ADORA2A: variants seen among roughly 807,000 people sequenced by gnomAD.
The protein encoded by ADORA2A is adenosine A2a receptor.
A neutral mutation model predicts 18.4 loss-of-function variants in ADORA2A; 11 were observed. The ratio of observed to expected loss-of-function variants is 0.60; its 90% CI spans 0.38 to 0.99. The LOEUF is 0.99. Among genes scored for constraint, ADORA2A ranks in the 50% least tolerant of loss-of-function variants. The pLI, the probability that ADORA2A is intolerant of heterozygous loss-of-function variation, is 0.01. For missense variants in ADORA2A, 449 were observed against 556.1 expected (o/e 0.81, Z 1.94); for synonymous variants, 218 against 237.3 (o/e 0.92, Z 0.75).
chr22:24,437,424 G>T (rs2043207823), intron 2 of ADORA2A, among the ~76,000 whole-genome samples: 1 of 152,214 alleles, frequency 6.6e-6, no homozygotes, highest in African/African-American at 2.4e-5. Context: ...CCTGGCTGAG[G>T]CTCAGCTGTG....
chr22:24,426,582 G>A (rs1352523056), upstream of ADORA2A, among the ~76,000 whole-genome samples: 1 of 152,198 alleles, frequency 6.6e-6, no homozygotes, highest in Non-Finnish European at 1.5e-5. Context: ...CTGGGGTGCA[G>A]AGAGGAGCCC....
chr22:24,441,646 G>C lies in ADORA2A; in HGVS notation c.*157G>C. 2 of 693,504 alleles carry C rather than the reference G, an allele frequency of 2.9e-6. No homozygotes were observed. The highest frequency in any genetic ancestry group is 3.7e-5 in the Admixed American group (1 of 26,930). The allele number at this position is 693,504 out of a possible 1,614,324, so 43.0% of individuals were successfully genotyped here. ...GAGAAGGGAGCCCCAGGCTGGAGCA[G>C]CATGAGGCCCAGCAAGAAGGGCTTG... On this transcript the variant is annotated 3_prime_UTR_variant, in exon 3 of 3. Transcript: ENST00000337539.
At chr22:24,434,471 A>C (rs932449672) in intron 2 of ADORA2A, among the ~76,000 whole-genome samples, 14 of 152,206 alleles carry the variant, frequency 9.2e-5, no homozygotes, top group Non-Finnish European at 1.6e-4. Context: ...CAGAGGCTGA[A>C]TTACTCGGCA....
At position 24,441,505 on chromosome 22, in the gene ADORA2A, GC is replaced by G. The variant is rs780664255; in HGVS notation, c.*20del. 8.1e-5 allele frequency: 121 copies of G among 1,489,606 alleles called. No homozygotes were observed. The highest frequency in any genetic ancestry group is 9.9e-5 in the Non-Finnish European group (111 of 1,120,312). 92.3% of individuals were successfully genotyped at this position (1,489,606 alleles called of 1,614,324 possible). ...AGTGTCCTGATGATTCATGGAGTTT[GC>G]CCCTTCCTAAGGGAAGGAGATCTTT... is the stretch of plus-strand genomic sequence containing the variant. On this transcript the variant is annotated 3_prime_UTR_variant, in exon 3 of 3. Coordinates refer to ENST00000337539, the MANE Select transcript of ADORA2A (RefSeq NM_000675.6).
Position 24,433,739 on chromosome 22 carries a change from G to T in ADORA2A, c.332+3G>T. On this transcript the variant is annotated splice_donor_region_variant and intron_variant, in intron 2 of 2. Coordinates refer to ENST00000337539, the MANE Select transcript of ADORA2A (RefSeq NM_000675.6). ...ATTGCCATCCGCATCCCGCTCCGGT[G>T]AGCAGGGCCGGGGTTACATCTGTGC... 6.2e-7 allele frequency: 1 copy of T among 1,602,550 alleles called. No homozygotes were observed.
chr22:24,431,768 T>C (rs892195332), intron 1 of ADORA2A: 9 of 325,094 alleles, frequency 2.8e-5, no homozygotes, highest in African/African-American at 2.0e-4. Flanking sequence ...ATCCAGACCA[T>C]TCACAGGCTC....
intron 1 of ADORA2A, among the ~76,000 whole-genome samples, chr22:24,427,968 G>A (rs914313765): frequency 1.3e-5 from 2 of 152,200 alleles, no homozygotes; most frequent in Non-Finnish European, 1.5e-5. Flanking sequence ...GGAGCAGAGA[G>A]CTGCAGCTGC....
chr22:24,428,148 G>A (rs569214723), intron 1 of ADORA2A, among the ~76,000 whole-genome samples: 6 of 152,210 alleles, frequency 3.9e-5, no homozygotes, highest in Non-Finnish European at 7.4e-5. Flanking sequence ...CTGCGCTGAT[G>A]AGTTTGGAAG....
At chr22:24,437,934 C>G (rs1446343110) in intron 2 of ADORA2A, among the ~76,000 whole-genome samples, 4 of 152,278 alleles carry the variant, frequency 2.6e-5, no homozygotes, top group Non-Finnish European at 5.9e-5. Flanking sequence ...AGCAGCTTCA[C>G]CTCTGTGACT....
chr22:24,439,099 T>TTTTTTTG (rs1232615165), intron 2 of ADORA2A, among the ~76,000 whole-genome samples: 8 of 141,648 alleles, frequency 5.6e-5, no homozygotes, highest in Non-Finnish European at 1.1e-4. Context: ...TTTTTTTTTT[T>TTTTTTTG]TTGGAGACTG....
chr22:24,424,223 G>T (rs2042892255), upstream of ADORA2A, among the ~76,000 whole-genome samples: 1 of 152,060 alleles, frequency 6.6e-6, no homozygotes, highest in South Asian at 2.1e-4. This position sits in a 1 kb window ranked among gnomAD's most constrained non-coding sequence, Gnocchi z 4.9. Context: ...CGTCCCAGGC[G>T]CAGTTGCGGC....
In ADORA2A at chr22:24,433,731, G is replaced by A. The variant is rs772354028; in HGVS notation, c.327G>A (p.Pro109=). The A allele has an allele frequency of 5.6e-6, 9 of 1,604,430 alleles. No individual in the cohort carries two copies. Among genetic ancestry groups the A allele is most frequent in the Non-Finnish European group, 7.6e-6 (9 of 1,179,512 alleles). The change falls in exon 2 of 3, where the codon CCG becomes CCA. Residue 109 remains proline, a synonymous_variant. Coordinates refer to ENST00000337539, the MANE Select transcript of ADORA2A (RefSeq NM_000675.6). ...AIDRYIAIRI[P]LRYNGLVTGT... is the part of the protein sequence containing the mutation. ...ACCGCTACATTGCCATCCGCATCCCGCTCCGGTGAGCAGGGCCGGGGTTAC... is the reference window on the plus strand; with the variant it reads ...ACCGCTACATTGCCATCCGCATCCCACTCCGGTGAGCAGGGCCGGGGTTAC...
chr22:24,436,280 C>T (rs1601414166), intron 2 of ADORA2A, among the ~76,000 whole-genome samples: 1 of 152,194 alleles, frequency 6.6e-6, no homozygotes, highest in African/African-American at 2.4e-5. Context: ...CCTCAGGATC[C>T]TCCCTCCTCC....
rs115169069 is a variant in ADORA2A, at chr22:24,433,862, G to A, written c.332+126G>A. ...AGTGTCAGCATGGTGAGCTGGCGACGGGGCCCCAGGCTCAGCAGGGGCTCC... is the reference window on the plus strand; with the variant it reads ...AGTGTCAGCATGGTGAGCTGGCGACAGGGCCCCAGGCTCAGCAGGGGCTCC... On this transcript the variant is annotated intron_variant, in intron 2 of 2. Coordinates refer to ENST00000337539, the MANE Select transcript of ADORA2A (RefSeq NM_000675.6). 6,459 of 1,184,922 alleles carry A rather than the reference G, an allele frequency of 5.5e-3. 295 individuals carry two copies. In the African/African-American group the frequency reaches 0.089, roughly 16 times the overall value. The allele number at this position is 1,184,922 out of a possible 1,614,324, so 73.4% of individuals were successfully genotyped here. A position where few individuals can be genotyped will look rare whatever the true frequency, so the allele number is the denominator to read the frequency against.
At chr22:24,435,861 TC>T (rs2043160386) in intron 2 of ADORA2A, among the ~76,000 whole-genome samples, 1 of 152,178 alleles carries the variant, frequency 6.6e-6, no homozygotes, top group Admixed American at 6.5e-5. Flanking sequence ...TCCATGAGGC[TC>T]TGCAAGGCTT....
intron 2 of ADORA2A, among the ~76,000 whole-genome samples, chr22:24,434,900 T>C (rs2043135842): frequency 6.6e-6 from 1 of 152,104 alleles, no homozygotes; most frequent in Non-Finnish European, 1.5e-5. Flanking sequence ...AACGAGTTGG[T>C]AGTGGAGCTG....
At chr22:24,433,975 T>A (rs544485744) in intron 2 of ADORA2A, among the ~76,000 whole-genome samples, 1 of 152,334 alleles carries the variant, frequency 6.6e-6, no homozygotes, top group South Asian at 2.1e-4. Flanking sequence ...CGGCCTGGGT[T>A]CCCCTAGGCT....
At chr22:24,425,337 A>ACTCCCCC (rs1568940744), upstream of ADORA2A, among the ~76,000 whole-genome samples, 5 of 82,318 alleles carry the variant, frequency 6.1e-5, no homozygotes, top group Admixed American at 1.3e-4. Flanking sequence ...TGTGGGCAGC[A>ACTCCCCC]CCCCCCCCCC....
rs1281930538 is a variant in ADORA2A, at chr22:24,433,746, G to A, written c.332+10G>A. 1.9e-6 allele frequency: 3 copies of A among 1,600,060 alleles called. No homozygotes were observed. The highest frequency in any genetic ancestry group is 2.5e-6 in the Non-Finnish European group (3 of 1,178,418). ...TCCGCATCCCGCTCCGGTGAGCAGG[G>A]CCGGGGTTACATCTGTGCAAAGGCT... On this transcript the variant is annotated intron_variant, in intron 2 of 2. Transcript: ENST00000337539.
Sources: allele counts gnomAD v4.1 joint callset (sites outside exome capture counted in the v4.1 genomes callset), GRCh38; gene constraint gnomAD v4.1.1; non-coding constraint Gnocchi (gnomAD v3.1); transcripts MANE v1.5; gene names NCBI Gene and HGNC (gene_info 2026-07-23, HGNC 2026-07-21).